Variants in ASAH2 observed in about 807,000 individuals in gnomAD.
The protein encoded by ASAH2 is N-acylsphingosine amidohydrolase 2, also known as neutral ceramidase.
In ASAH2, 58 loss-of-function variants were observed where a neutral mutation model predicts 82.9. The observed-to-expected ratio is 0.70, with a 90% CI of 0.57 to 0.87. The LOEUF (loss-of-function observed/expected upper bound fraction) is 0.87. ASAH2 is among the 40% of genes least tolerant of loss of function. The probability of loss-of-function intolerance (pLI) is 0.00; values close to 1 mark genes in which losing one functional copy is unlikely to be tolerated. For missense variants in ASAH2, 779 were observed against 834.0 expected, an observed-to-expected ratio of 0.93 and a Z score of 0.81; for synonymous variants, 276 against 289.7, an observed-to-expected ratio of 0.95 and a Z score of 0.48.
intron 4 of ASAH2, among the ~76,000 whole-genome samples, chr10:50,239,353 G>GA (rs1846234654): frequency 6.6e-6 from 1 of 152,170 alleles, no homozygotes; most frequent in Non-Finnish European, 1.5e-5. Context: ...CTGGGTCTCA[G>GA]ATTGCACGGA....
At position 50,228,499 on chromosome 10, in the gene ASAH2, CAT is replaced by C. The variant is rs1845945410; in HGVS notation, c.893+4683_893+4684del. On this transcript the variant is annotated intron_variant, in intron 7 of 20. Coordinates refer to ENST00000682911, the MANE Select transcript of ASAH2 (RefSeq NM_019893.4). ...AAAAAAAGTTTTTAAATAAAGAAGT[CAT>C]AGTCATAGATGATAGAGAAGATTTA... Among the ~76,000 whole-genome samples the C allele has an allele frequency of 9.9e-5, 15 of 152,250 alleles. No individual in the cohort carries two copies. In the South Asian group the frequency reaches 2.9e-3, roughly 29 times the overall value.
intron 2 of ASAH2, among the ~76,000 whole-genome samples, chr10:50,246,621 GAA>G (rs1461390609): frequency 3.9e-5 from 6 of 152,236 alleles, no homozygotes; most frequent in African/African-American, 1.4e-4. Flanking sequence ...TGAGAAAACT[GAA>G]AGTCAGAAAA....
intron 12 of ASAH2, among the ~76,000 whole-genome samples, chr10:50,209,612 G>T (rs1161241349): frequency 6.6e-6 from 1 of 152,106 alleles, no homozygotes; most frequent in African/African-American, 2.4e-5. Context: ...CTCCCAAAGT[G>T]CTGGGAAAAT....
At position 50,245,336 on chromosome 10, in the gene ASAH2, AGTGGCTGTGGAGCTCTGG is replaced by A. The variant is rs1282298953; in HGVS notation, c.228_245del (p.Ser78_Gln83del). ...GGGTTAAAGGCACTGGAGAAGTTTG[AGTGGCTGTGGAGCTCTGG>A]GTGGCTGTGGAATGCTGGGTGGCTG... is the stretch of plus-strand genomic sequence containing the variant. On this transcript the variant is annotated inframe_deletion, in exon 3 of 21. Coordinates refer to ENST00000682911, the MANE Select transcript of ASAH2 (RefSeq NM_019893.4). The A allele has an allele frequency of 6.2e-7, 1 of 1,613,772 alleles. No individual in the cohort carries two copies. Among genetic ancestry groups the A allele is most frequent in the East Asian group, 2.2e-5 (1 of 44,896 alleles).
intron 7 of ASAH2, among the ~76,000 whole-genome samples, chr10:50,230,185 T>G (rs900570907): frequency 2.0e-5 from 3 of 152,176 alleles, no homozygotes; most frequent in Non-Finnish European, 4.4e-5. Context: ...AGGTCCCTAG[T>G]GCAGACTTGC....
intron 13 of ASAH2, 74 bp from the exon 14 acceptor site, chr10:50,205,029 A>C (rs1350231636): frequency 9.9e-7 from 1 of 1,011,680 alleles, no homozygotes; most frequent in Non-Finnish European, 1.4e-6. Context: ...TAGTGGTCCC[A>C]GAATTTCCTC....
At chr10:50,216,773 G>C (rs1277330112) in intron 8 of ASAH2, among the ~76,000 whole-genome samples, 1 of 152,162 alleles carries the variant, frequency 6.6e-6, no homozygotes, top group East Asian at 1.9e-4. Flanking sequence ...CTTAGGGAAA[G>C]AGATAACTAA....
At chr10:50,201,172 C>A (rs1589323773) in intron 16 of ASAH2, among the ~76,000 whole-genome samples, 1 of 152,152 alleles carries the variant, frequency 6.6e-6, no homozygotes, top group East Asian at 1.9e-4. Context: ...CATCCCCTTT[C>A]CAGCTCCCCA....
chr10:50,246,060 A>T (rs994470273), intron 2 of ASAH2, among the ~76,000 whole-genome samples: 1 of 152,198 alleles, frequency 6.6e-6, no homozygotes, highest in African/African-American at 2.4e-5. Context: ...TTATATATTC[A>T]TATCTTTATG....
At chr10:50,239,828 A>ATTTTT (rs1208518684) in intron 4 of ASAH2, among the ~76,000 whole-genome samples, 32,446 of 119,574 alleles carry the variant, frequency 0.27, 5,364 homozygotes, top group Non-Finnish European at 0.38. Flanking sequence ...CTCACATTTA[A>ATTTTT]TTTTTTTTTT....
chr10:50,249,768 G>A (rs1846568189), intron 1 of ASAH2, among the ~76,000 whole-genome samples: 1 of 152,100 alleles, frequency 6.6e-6, no homozygotes, highest in African/African-American at 2.4e-5. Flanking sequence ...GTCCTTTAAG[G>A]GAATTTACAG....
Position 50,234,464 on chromosome 10 carries a change from G to A in ASAH2, c.776C>T (p.Pro259Leu), listed in dbSNP as rs905473360. 27 of 1,612,758 alleles carry A rather than the reference G, an allele frequency of 1.7e-5. No individual in the cohort carries two copies. The African/African-American group carries it at 2.7e-4, about 16-fold the overall frequency. ...CTGCGGATTTTGAAGGTAAGAATAC[G>A]GACTTCTGTTGATCTGCACACCATC... The part of the protein sequence containing the change: ...NVDGVQINRS[P>L]YSYLQNPQSE... The change falls in exon 6 of 21, where the codon CCG (proline) becomes CTG (leucine). Residue 259 changes from proline (P) to leucine (L), a missense_variant. Around this residue, in one of 3 missense-constraint regions of ASAH2, gnomAD observed 759 missense variants for 755.2 expected, o/e 1.00. Transcript: ENST00000682911.
chr10:50,240,454 C>A, intron 4 of ASAH2: 2 of 702,108 alleles, frequency 2.8e-6, no homozygotes, highest in South Asian at 3.0e-5. Flanking sequence ...CCACTCTATT[C>A]CAATCCATAT....
chr10:50,216,929 C>T lies in ASAH2; in HGVS notation c.1014+1581G>A, dbSNP rs866341890. ...GAGAAAATAGTAAGAGTGAGTTTTG[C>T]CAACAAAGGAGCTTGCTTTGGTTTG... On this transcript the variant is annotated intron_variant, in intron 8 of 20. Coordinates refer to ENST00000682911, the MANE Select transcript of ASAH2 (RefSeq NM_019893.4). Among the ~76,000 whole-genome samples the T allele has an allele frequency of 6.6e-3, 1,004 of 152,280 alleles. 13 individuals carry two copies. The highest frequency in any genetic ancestry group is 0.023 in the African/African-American group (958 of 41,560).
In ASAH2 at chr10:50,217,814, T is replaced by C. The variant is rs1215809982; in HGVS notation, c.1014+696A>G. Among the ~76,000 whole-genome samples, 5 of 152,312 alleles carry C rather than the reference T, an allele frequency of 3.3e-5. No individual in the cohort carries two copies. The East Asian group carries it at 9.6e-4, about 29-fold the overall frequency. The stretch of plus-strand genomic sequence containing the variant: ...AATTGTAGGTAAGGGCCTGGGACTC[T>C]TATCCCATTATATAGTCTTCCAAAT... On this transcript the variant is annotated intron_variant, in intron 8 of 20. Transcript: ENST00000682911.
In ASAH2 at chr10:50,196,910, C is replaced by G. The variant is rs1444286757; in HGVS notation, c.1867G>C (p.Ala623Pro). 6.2e-7 allele frequency: 1 copy of G among 1,611,316 alleles called. No individual in the cohort carries two copies. Among genetic ancestry groups the G allele is most frequent in the Non-Finnish European group, 8.5e-7 (1 of 1,179,336 alleles). ...LAKAIATDTV[A>P]NLSRGPEPPF... ...GGTTCTGGACCTCTGCTCAGGTTGG[C>G]TACCGTGTCCTGGAACAGAGAGCAT... Residue 623 changes from alanine (A) to proline (P), a missense_variant, in exon 18 of 21, where the codon GCC becomes CCC. Physicochemically the swap from Ala to Pro is conservative, Grantham distance 27. Transcript: ENST00000682911.
At chr10:50,230,995 C>T (rs1188659654) in intron 7 of ASAH2, among the ~76,000 whole-genome samples, 3 of 150,116 alleles carry the variant, frequency 2.0e-5, no homozygotes, top group African/African-American at 7.4e-5. Context: ...GAGCTATGAT[C>T]ACGCCATTGC....
chr10:50,206,203 T>G, intron 12 of ASAH2, 106 bp from the exon 13 acceptor site: 1 of 866,624 alleles, frequency 1.2e-6, no homozygotes, highest in Non-Finnish European at 2.0e-6. Flanking sequence ...TTTCAGAGAT[T>G]TTATTGAGGT....
chr10:50,229,515 T>C (rs957971320), intron 7 of ASAH2, among the ~76,000 whole-genome samples: 5 of 152,164 alleles, frequency 3.3e-5, no homozygotes, highest in African/African-American at 4.8e-5. Context: ...TCCTCAAGTC[T>C]ACACTCTTCC....
Sources: gnomAD v4.1 joint callset for allele counts (sites outside exome capture counted in the v4.1 genomes callset) on GRCh38, gnomAD v4.1.1 for gene constraint, gnomAD v4.1.1 regional missense constraint, MANE v1.5 for transcripts, NCBI Gene and HGNC (gene_info 2026-07-23, HGNC 2026-07-21) for gene names.